GBX2: variants seen among roughly 807,000 people sequenced by gnomAD.
GBX2 encodes homeobox protein GBX-2.
A neutral mutation model predicts 22.4 loss-of-function variants in GBX2; 5 were observed. That is an observed-to-expected ratio of 0.22 (90% confidence interval 0.12 to 0.47). The LOEUF (loss-of-function observed/expected upper bound fraction) is 0.47, where lower values mean the gene tolerates loss of function less well. Among genes scored for constraint, GBX2 ranks in the 20% least tolerant of loss-of-function variants. The pLI, the probability that GBX2 is intolerant of heterozygous loss-of-function variation, is 0.99. For missense variants in GBX2, 470 were observed against 495.4 expected (o/e 0.95, Z 0.49); for synonymous variants, 220 against 230.5 (o/e 0.95, Z 0.41).
intron 1 of GBX2, 29 bp downstream of exon 1, chr2:236,167,420 C>G: frequency 6.8e-7 from 1 of 1,474,646 alleles, no homozygotes; most frequent in Non-Finnish European, 8.9e-7. Flanking sequence ...CCCGCCCCCT[C>G]GTCCCGGCTG....
rs1294069868 is a variant in GBX2 at position 236,166,266 on chromosome 2, G to A, written c.695C>T (p.Pro232Leu). 4.3e-6 allele frequency: 7 copies of A among 1,613,666 alleles called. No individual in the cohort carries two copies. Among genetic ancestry groups the A allele is most frequent in the Non-Finnish European group, 5.9e-6 (7 of 1,179,964 alleles). ...GCTGCCCGCGGCGCCGCTGCTCGGC[G>A]GGGTCTCCTCCAGCGCGTGGCCCGG... ...EDPGHALEET[P>L]PSSGAAGSTT... The change falls in exon 2 of 2, where the codon CCG becomes CTG. Residue 232 changes from proline to leucine, a missense_variant. Pro to Leu is a moderately conservative substitution (Grantham distance 98). This residue lies in a region of GBX2 where 377 missense variants were observed against 358.6 expected (regional missense o/e 1.05). Transcript: ENST00000306318. The surrounding 1 kb of genome is among the most constrained non-coding windows in gnomAD (Gnocchi z 6.6).
chr2:236,167,127 C>A, intron 1 of GBX2: 3 of 1,535,490 alleles, frequency 2.0e-6, no homozygotes, highest in Non-Finnish European at 2.6e-6. Flanking sequence ...CCCCTAGAGG[C>A]TGCAACCTAC....
chr2:236,164,255 A>G (rs2060225731), downstream of GBX2, among the ~76,000 whole-genome samples: 2 of 151,976 alleles, frequency 1.3e-5, no homozygotes, highest in African/African-American at 4.8e-5. Context: ...GCTGCATCGC[A>G]GCGGCTCACC....
chr2:236,167,962 C>T lies in GBX2; in HGVS notation c.10G>A (p.Ala4Thr). ...ATCATCATCAGCGACGGCGGGAACG[C>T]TGCGCTCATAGACGCGCTCGGTAGA... MSAAFPPSLMMMQR... is the reference protein window; with the variant it reads MSATFPPSLMMMQR... The change falls in exon 1 of 2, where the codon GCG becomes ACG. Residue 4 changes from alanine (A) to threonine (T), a missense_variant. Physicochemically the swap from Ala to Thr is moderately conservative, Grantham distance 58. Around this residue, in one of 4 missense-constraint regions of GBX2, gnomAD observed 377 missense variants for 358.6 expected, o/e 1.05. Transcript: ENST00000306318. The T allele has an allele frequency of 6.4e-7, 1 of 1,558,578 alleles. No homozygotes were observed. Among genetic ancestry groups the T allele is most frequent in the Non-Finnish European group, 8.7e-7 (1 of 1,154,762 alleles).
Position 236,167,642 on chromosome 2 carries a change from G to A in GBX2, c.330C>T (p.Gly110=). Residue 110 remains glycine, a synonymous_variant, in exon 1 of 2, where the codon GGC becomes GGT. Transcript: ENST00000306318. ...GGTGCTGGGGCGACGCGGAGAAGCC[G>A]CCGGGGAGCGTGGCCATGAGCGTAG... is the stretch of plus-strand genomic sequence containing the variant. ...LTSTLMATLP[G]GFSASPQHQE... is the part of the protein sequence containing the mutation. 1 of 1,593,106 alleles carries A rather than the reference G, an allele frequency of 6.3e-7. No individual in the cohort carries two copies. Among genetic ancestry groups the A allele is most frequent in the South Asian group, 1.1e-5 (1 of 89,568 alleles).
intron 1 of GBX2, chr2:236,167,039 C>G: frequency 9.5e-7 from 1 of 1,056,728 alleles, no homozygotes; most frequent in Non-Finnish European, 1.4e-6. Context: ...AGACAAGTAG[C>G]AAGACCAGCG....
Position 236,167,597 on chromosome 2 carries a change from G to A in GBX2, c.375C>T (p.Arg125=), listed in dbSNP as rs1171663724. ...SPQHQEAAAA[R]KFAPQPLPGG... is the part of the protein sequence containing the mutation. ...CGGGCAGCGGCTGCGGCGCGAACTTGCGGGCCGCTGCCGCCTCCTGGTGCT... is the reference window on the plus strand; with the variant it reads ...CGGGCAGCGGCTGCGGCGCGAACTTACGGGCCGCTGCCGCCTCCTGGTGCT... Residue 125 remains arginine (R), a synonymous_variant, in exon 1 of 2, where the codon CGC becomes CGT. Transcript: ENST00000306318. The A allele has an allele frequency of 1.6e-5, 26 of 1,594,076 alleles. No individual in the cohort carries two copies. Among genetic ancestry groups the A allele is most frequent in the Non-Finnish European group, 2.1e-5 (25 of 1,174,136 alleles).
chr2:236,167,508 A>G lies in GBX2; in HGVS notation c.464T>C (p.Leu155Pro). The G allele has an allele frequency of 1.3e-6, 2 of 1,593,120 alleles. No homozygotes were observed. Among genetic ancestry groups the G allele is most frequent in the Non-Finnish European group, 8.5e-7 (1 of 1,173,770 alleles). Residue 155 changes from leucine (L) to proline (P), a missense_variant, in exon 1 of 2, where the codon CTG (leucine) becomes CCG (proline). Leu to Pro is a moderately conservative substitution (Grantham distance 98). This residue lies in a region of GBX2 where 377 missense variants were observed against 358.6 expected (regional missense o/e 1.05). Coordinates refer to ENST00000306318, the MANE Select transcript of GBX2 (RefSeq NM_001485.4). ...QADAEDGKGF[L>P]AKEGSLLAFS... is the part of the protein sequence containing the mutation. ...GGCGAGCAGCGAGCCCTCTTTGGCC[A>G]GGAAGCCTTTGCCGTCCTCCGCGTC...
intron 1 of GBX2, 187 bp downstream of exon 1, chr2:236,167,262 C>T: frequency 6.9e-7 from 1 of 1,439,072 alleles, no homozygotes; most frequent in Middle Eastern, 1.8e-4. Flanking sequence ...CGAGACCCCG[C>T]TTGTTGGGTG....
chr2:236,167,307 C>T, intron 1 of GBX2, 142 bp downstream of exon 1: 1 of 1,392,742 alleles, frequency 7.2e-7, no homozygotes, highest in Non-Finnish European at 9.8e-7. Flanking sequence ...AGCGGCACAG[C>T]CGGGCCTCAT....
Position 236,168,012 on chromosome 2 carries a change from C to A in GBX2, c.-41G>T. On this transcript the variant is annotated 5_prime_UTR_variant, in exon 1 of 2. Transcript: ENST00000306318. ...AGGCCAGCGAGAGGCGAAAAGTCCC[C>A]GCGCCGCGCCGCCGCCGGGAAGCCC... 2 of 1,415,858 alleles carry A rather than the reference C, an allele frequency of 1.4e-6. No individual in the cohort carries two copies. The highest frequency in any genetic ancestry group is 1.8e-6 in the Non-Finnish European group (2 of 1,085,830). The allele number at this position is 1,415,858 out of a possible 1,614,324, so 87.7% of individuals were successfully genotyped here. A position where few individuals can be genotyped will look rare whatever the true frequency, so the allele number is the denominator to read the frequency against.
chr2:236,167,093 T>C, intron 1 of GBX2: 1 of 1,519,368 alleles, frequency 6.6e-7, no homozygotes, highest in Non-Finnish European at 8.8e-7. Context: ...CACGCACGGC[T>C]GAGACGCGCA....
In GBX2 at chr2:236,166,331, A is replaced by G; in HGVS notation, c.630T>C (p.Asp210=). 6.2e-7 allele frequency: 1 copy of G among 1,613,926 alleles called. No homozygotes were observed. The highest frequency in any genetic ancestry group is 8.5e-7 in the Non-Finnish European group (1 of 1,180,008). The change falls in exon 2 of 2, where the codon GAT becomes GAC. Residue 210 remains aspartate (D), a synonymous_variant. Transcript: ENST00000306318. The surrounding 1 kb of genome is among the most constrained non-coding windows in gnomAD (Gnocchi z 6.6). ...SLESDVDYSS[D]DNLTGQAAHK... Reference sequence around the variant, plus strand: ...GAGCTGCCTGGCCAGTCAGATTGTCATCCGAGCTGTAGTCCACATCGCTCT... The same window carrying G: ...GAGCTGCCTGGCCAGTCAGATTGTCGTCCGAGCTGTAGTCCACATCGCTCT...
rs6709943 is a variant in GBX2, at chr2:236,166,786, G to A, written c.524-349C>T. Among the ~76,000 whole-genome samples the A allele has an allele frequency of 0.027, 4,161 of 152,184 alleles. 212 individuals are homozygous for A. Among genetic ancestry groups the A allele is most frequent in the African/African-American group, 0.096 (3,974 of 41,526 alleles). On this transcript the variant is annotated intron_variant, in intron 1 of 1. Transcript: ENST00000306318. The surrounding 1 kb of genome is among the most constrained non-coding windows in gnomAD (Gnocchi z 6.6). Reference sequence around the variant, plus strand: ...GATTGCCCGCTTTGTCCCTGGGGTGGGGACTGGTTGAGGACTGATGGGGGG... The same window carrying A: ...GATTGCCCGCTTTGTCCCTGGGGTGAGGACTGGTTGAGGACTGATGGGGGG...
At position 236,165,901 on chromosome 2, in the gene GBX2, C is replaced by A; in HGVS notation, c.*13G>T. ...TCTCCAGGTGGGTGCCAGGCCCTGG[C>A]CCTTCTGGACCCTCAGGGCCGGGCC... is the stretch of plus-strand genomic sequence containing the variant. On this transcript the variant is annotated 3_prime_UTR_variant, in exon 2 of 2. Coordinates refer to ENST00000306318, the MANE Select transcript of GBX2 (RefSeq NM_001485.4). The A allele has an allele frequency of 6.3e-7, 1 of 1,597,194 alleles. No individual in the cohort carries two copies. Among genetic ancestry groups the A allele is most frequent in the Non-Finnish European group, 8.5e-7 (1 of 1,171,596 alleles).
At position 236,165,699 on chromosome 2, in the gene GBX2, A is replaced by G. The variant is rs560346991; in HGVS notation, c.*215T>C. 5.6e-5 allele frequency: 32 copies of G among 569,932 alleles called. 1 individual carries two copies. The South Asian group carries it at 7.4e-4, about 13-fold the overall frequency. The allele number at this position is 569,932 out of a possible 1,614,324, so 35.3% of individuals were successfully genotyped here. A position where few individuals can be genotyped will look rare whatever the true frequency, so the allele number is the denominator to read the frequency against. On this transcript the variant is annotated 3_prime_UTR_variant, in exon 2 of 2. Coordinates refer to ENST00000306318, the MANE Select transcript of GBX2 (RefSeq NM_001485.4). ...GAGATATTTATGTACAAAGTAGGAT[A>G]GTATAATAAATATTTAGCGTGTCTT...
chr2:236,165,863 G>A lies in GBX2; in HGVS notation c.*51C>T, dbSNP rs758384564. 5 of 1,452,418 alleles carry A rather than the reference G, an allele frequency of 3.4e-6. No homozygotes were observed. The South Asian group carries it at 3.9e-5, about 11-fold the overall frequency. The allele number at this position is 1,452,418 out of a possible 1,614,324, so 90.0% of individuals were successfully genotyped here. Reference sequence around the variant, plus strand: ...AGTGGAGTCCACCATGGGTTCCCTCGGGTGCGGGGGCTTCTCCAGGTGGGT... The same window carrying A: ...AGTGGAGTCCACCATGGGTTCCCTCAGGTGCGGGGGCTTCTCCAGGTGGGT... On this transcript the variant is annotated 3_prime_UTR_variant, in exon 2 of 2. Transcript: ENST00000306318.
downstream of GBX2, among the ~76,000 whole-genome samples, chr2:236,163,334 G>A (rs1213487233): frequency 1.3e-5 from 2 of 152,092 alleles, no homozygotes; most frequent in Non-Finnish European, 2.9e-5. Flanking sequence ...TGGGGAGCTC[G>A]GGCCCTCTCC....
chr2:236,167,509 G>A lies in GBX2; in HGVS notation c.463C>T (p.Leu155=). ...QADAEDGKGF[L]AKEGSLLAFS... is the part of the protein sequence containing the mutation. ...GCGAGCAGCGAGCCCTCTTTGGCCA[G>A]GAAGCCTTTGCCGTCCTCCGCGTCA... Residue 155 remains leucine (L), a synonymous_variant, in exon 1 of 2, where the codon CTG becomes TTG. Coordinates refer to ENST00000306318, the MANE Select transcript of GBX2 (RefSeq NM_001485.4). 1 of 1,594,174 alleles carries A rather than the reference G, an allele frequency of 6.3e-7. No homozygotes were observed. The highest frequency in any genetic ancestry group is 8.5e-7 in the Non-Finnish European group (1 of 1,174,350).
Sources: allele counts gnomAD v4.1 joint callset (sites outside exome capture counted in the v4.1 genomes callset), GRCh38; gene constraint gnomAD v4.1.1; regional missense constraint gnomAD v4.1.1; non-coding constraint Gnocchi (gnomAD v3.1); transcripts MANE v1.5; gene names NCBI Gene and HGNC (gene_info 2026-07-23, HGNC 2026-07-21).